Variants in ESYT3 observed in about 807,000 individuals in gnomAD.
The protein encoded by ESYT3 is extended synaptotagmin-3.
Under a neutral mutation model 111.5 loss-of-function variants are expected in ESYT3, and 101 were observed. The ratio of observed to expected loss-of-function variants is 0.91; its 90% CI spans 0.77 to 1.07. The LOEUF is 1.07. Among genes scored for constraint, ESYT3 ranks in the 50% least tolerant of loss-of-function variants. ESYT3 has a pLI of 0.00. For missense variants in ESYT3, 1,097 were observed against 1,109.4 expected (o/e 0.99, Z 0.16); for synonymous variants, 416 against 446.8 (o/e 0.93, Z 0.87).
At chr3:138,467,699 C>A in intron 11 of ESYT3, 90 bp downstream of exon 11, 1 of 1,235,086 alleles carries the variant, frequency 8.1e-7, no homozygotes, top group Non-Finnish European at 1.2e-6. Flanking sequence ...CCAGCTATTC[C>A]TATGCTGTGG....
intron 2 of ESYT3, among the ~76,000 whole-genome samples, chr3:138,453,300 G>C (rs1439919178): frequency 2.0e-5 from 3 of 152,182 alleles, no homozygotes; most frequent in South Asian, 2.1e-4. Flanking sequence ...ATATAAGACT[G>C]TTGGGATATG....
intron 1 of ESYT3, among the ~76,000 whole-genome samples, chr3:138,441,934 GA>G (rs2031181688): frequency 6.6e-6 from 1 of 152,056 alleles, no homozygotes; most frequent in Non-Finnish European, 1.5e-5. Context: ...ATCTCTGTGG[GA>G]GGGCAGGCCG....
At chr3:138,449,351 G>T (rs763647468) in intron 1 of ESYT3, among the ~76,000 whole-genome samples, 3 of 152,032 alleles carry the variant, frequency 2.0e-5, no homozygotes, top group Admixed American at 6.6e-5. Flanking sequence ...CTCCCAAAGC[G>T]CTGGGATTAT....
chr3:138,436,784 C>T (rs548947615), intron 1 of ESYT3, among the ~76,000 whole-genome samples: 2 of 152,200 alleles, frequency 1.3e-5, no homozygotes, highest in South Asian at 4.1e-4. Flanking sequence ...CTGTTTTGTC[C>T]CCCTTGATGG....
chr3:138,439,940 G>C (rs544972719), intron 1 of ESYT3, among the ~76,000 whole-genome samples: 71 of 152,318 alleles, frequency 4.7e-4, no homozygotes, highest in African/African-American at 1.7e-3. Flanking sequence ...TGGTGAGGTG[G>C]TCGTGATGTG....
intron 1 of ESYT3, among the ~76,000 whole-genome samples, chr3:138,446,513 G>A (rs1576426477): frequency 1.3e-5 from 2 of 152,212 alleles, no homozygotes; most frequent in African/African-American, 4.8e-5. Context: ...TGAAACAAAA[G>A]AAAGCTGAGA....
intron 19 of ESYT3, 91 bp downstream of exon 19, chr3:138,473,725 A>T: frequency 9.2e-7 from 1 of 1,091,336 alleles, no homozygotes. Context: ...AAAAGGGCAC[A>T]TAGTCCCAAG....
rs1444522560 is a variant in ESYT3, at chr3:138,478,895, C to T, written c.*2041C>T. ...AGTTAACATCATCTTGGTACAGAAA[C>T]CCCCAAACCTAAGACGGAATGTGAA... On this transcript the variant is annotated 3_prime_UTR_variant, in exon 23 of 23. Coordinates refer to ENST00000389567, the MANE Select transcript of ESYT3 (RefSeq NM_031913.5). The T allele has an allele frequency of 1.4e-5, 2 of 147,554 alleles. No individual in the cohort carries two copies. The highest frequency in any genetic ancestry group is 3.9e-4 in the East Asian group (2 of 5,192). The allele number at this position is 147,554 out of a possible 1,614,324, so 9.1% of individuals were successfully genotyped here. A position where few individuals can be genotyped will look rare whatever the true frequency, so the allele number is the denominator to read the frequency against.
At position 138,464,387 on chromosome 3, in the gene ESYT3, C is replaced by T. The variant is rs2032814512; in HGVS notation, c.958C>T (p.Gln320Ter). 1 of 1,614,152 alleles carries T rather than the reference C, an allele frequency of 6.2e-7. No individual in the cohort carries two copies. Among genetic ancestry groups the T allele is most frequent in the Non-Finnish European group, 8.5e-7 (1 of 1,180,008 alleles). ...VHLLEAEQLA[Q>*]KDNFLGLRGK... Reference sequence around the variant, plus strand: ...CTTGCTGGAGGCAGAGCAGCTGGCCCAGAAGGACAACTTTCTGGGGCTCCG... The same window carrying T: ...CTTGCTGGAGGCAGAGCAGCTGGCCTAGAAGGACAACTTTCTGGGGCTCCG... The change falls in exon 9 of 23, where the codon CAG (glutamine) becomes TAG (stop). Residue 320 changes from glutamine (Q) to a stop codon, truncating the protein, a stop_gained. Coordinates refer to ENST00000389567, the MANE Select transcript of ESYT3 (RefSeq NM_031913.5). LOFTEE classifies it high-confidence loss of function.
chr3:138,469,316 C>A, intron 14 of ESYT3, 120 bp from the exon 15 acceptor site: 1 of 847,340 alleles, frequency 1.2e-6, no homozygotes, highest in Non-Finnish European at 1.9e-6. Context: ...AGCTTTCTCT[C>A]AAAGAGAAGT....
intron 5 of ESYT3, among the ~76,000 whole-genome samples, chr3:138,459,595 C>T (rs554383075): frequency 2.0e-5 from 3 of 152,338 alleles, no homozygotes; most frequent in South Asian, 4.1e-4. Context: ...AAATAACTCT[C>T]GGCAGGAGTA....
intron 1 of ESYT3, among the ~76,000 whole-genome samples, chr3:138,451,045 A>AT (rs2031892599): frequency 1.3e-5 from 2 of 151,950 alleles, no homozygotes; most frequent in Non-Finnish European, 2.9e-5. Context: ...CTGTAAGAAA[A>AT]CCCCTGGGGG....
chr3:138,480,041 G>T (rs963419628), downstream of ESYT3: 5 of 152,146 alleles, frequency 3.3e-5, no homozygotes, highest in African/African-American at 1.2e-4. Flanking sequence ...AGCCAATAAA[G>T]TTGATATATA....
Position 138,461,312 on chromosome 3 carries a change from G to C in ESYT3, c.794+646G>C, listed in dbSNP as rs150874258. ...GCATGGAAGGGGCACTGTCACAACA[G>C]AGGCCAGTGAGGAGTAGCTGGTCCT... is the stretch of plus-strand genomic sequence containing the variant. On this transcript the variant is annotated intron_variant, in intron 7 of 22. Coordinates refer to ENST00000389567, the MANE Select transcript of ESYT3 (RefSeq NM_031913.5). Among the ~76,000 whole-genome samples the C allele has an allele frequency of 3.0e-3, 461 of 152,314 alleles. 4 individuals carry two copies. Among genetic ancestry groups the C allele is most frequent in the African/African-American group, 0.011 (445 of 41,564 alleles).
At position 138,465,422 on chromosome 3, in the gene ESYT3, G is replaced by T; in HGVS notation, c.1169+1G>T. ...CCGACAGGGATGACTTCCTGGGCAG[G>T]TGAGGAGGAGGGCGCACAGCTGGGC... is the stretch of plus-strand genomic sequence containing the variant. On this transcript the variant is annotated splice_donor_variant, in intron 10 of 22. Transcript: ENST00000389567. LOFTEE classifies it high-confidence loss of function. The T allele has an allele frequency of 3.2e-6, 5 of 1,586,964 alleles. No homozygotes were observed. Among genetic ancestry groups the T allele is most frequent in the Non-Finnish European group, 4.3e-6 (5 of 1,167,210 alleles).
At chr3:138,449,121 G>A (rs1297655666) in intron 1 of ESYT3, among the ~76,000 whole-genome samples, 2 of 117,080 alleles carry the variant, frequency 1.7e-5, no homozygotes, top group African/African-American at 6.9e-5. Context: ...GTCTTGCTCT[G>A]TGGCCCAGGC....
Position 138,450,851 on chromosome 3 carries a change from A to G in ESYT3, c.328-1197A>G, listed in dbSNP as rs188370978. Among the ~76,000 whole-genome samples, 122 of 152,254 alleles carry G rather than the reference A, an allele frequency of 8.0e-4. 1 individual carries two copies. In the East Asian group the frequency reaches 0.019, roughly 23 times the overall value. On this transcript the variant is annotated intron_variant, in intron 1 of 22. Transcript: ENST00000389567. ...TAGTCCCAGAACAGTGGCCTTTCTG[A>G]GCTCCCAGATAGAGGGGGCATGCCT...
intron 16 of ESYT3, chr3:138,470,466 T>A (rs907692164): frequency 9.1e-7 from 1 of 1,104,930 alleles, no homozygotes; most frequent in African/African-American, 1.6e-5. Context: ...AAAAAATATA[T>A]GTTTCATTTA....
chr3:138,461,828 C>T (rs1331636842), intron 7 of ESYT3, among the ~76,000 whole-genome samples: 2 of 152,144 alleles, frequency 1.3e-5, no homozygotes, highest in Admixed American at 6.5e-5. Context: ...TGCTGTGTGA[C>T]CTCCAAGAAC....
Sources: gnomAD v4.1 joint callset for allele counts (sites outside exome capture counted in the v4.1 genomes callset) on GRCh38, gnomAD v4.1.1 for gene constraint, MANE v1.5 for transcripts, NCBI Gene and HGNC (gene_info 2026-07-23, HGNC 2026-07-21) for gene names.